Variants in MDN1 observed in about 807,000 individuals in gnomAD.
MDN1 encodes the protein midasin AAA ATPase 1.
MDN1 carries 266 observed loss-of-function variants against 669.2 expected under a neutral mutation model. That is an observed-to-expected ratio of 0.40 (90% CI 0.36 to 0.44). MDN1 has a LOEUF of 0.44. Ranked by LOEUF, MDN1 falls within the 20% of genes least tolerant of loss-of-function variation. The pLI is 1.00. For synonymous variants in MDN1, 2,385 were observed against 2,457.1 expected, an observed-to-expected ratio of 0.97 and a Z score of 0.87; for missense variants, 5,940 against 6,754.0, an observed-to-expected ratio of 0.88 and a Z score of 4.22.
Position 89,685,441 on chromosome 6 carries a change from C to T in MDN1, c.11719+386G>A, listed in dbSNP as rs530509039. ...TGTGATCAGGGATAGTACTTGACAG[C>T]GGGCAGTTTTAGATGCAGTTCCTTG... On this transcript the variant is annotated intron_variant, in intron 70 of 101. Transcript: ENST00000369393. Among the ~76,000 whole-genome samples the T allele has an allele frequency of 7.2e-5, 11 of 152,162 alleles. 1 individual carries two copies. The South Asian group carries it at 2.3e-3, about 32-fold the overall frequency.
intron 2 of MDN1, among the ~76,000 whole-genome samples, chr6:89,796,341 A>AAAAAAAAAAAAAAAAAAAAAAAC (rs1819607510): frequency 9.1e-6 from 1 of 110,220 alleles, no homozygotes; most frequent in African/African-American, 3.8e-5. Context: ...AAAAAAAAAA[A>AAAAAAAAAAAAAAAAAAAAAAAC]AAAAAAAAAC....
Position 89,645,135 on chromosome 6 carries a change from T to C in MDN1, c.16482A>G (p.Val5494=). ...GGAAAAGGCCTCGCCCATCAGAGACTACCAGGAGGAGTTGTGCAGTTTCTG... is the reference window on the plus strand; with the variant it reads ...GGAAAAGGCCTCGCCCATCAGAGACCACCAGGAGGAGTTGTGCAGTTTCTG... ...ISSETAQLLL[V]VSDGRGLFLE... The change falls in exon 101 of 102, where the codon GTA becomes GTG. Residue 5494 remains valine (V), a synonymous_variant. Coordinates refer to ENST00000369393, the MANE Select transcript of MDN1 (RefSeq NM_014611.3). The C allele has an allele frequency of 6.2e-7, 1 of 1,607,776 alleles. No individual in the cohort carries two copies. Among genetic ancestry groups the C allele is most frequent in the African/African-American group, 1.3e-5 (1 of 74,964 alleles).
rs116828624 is a variant in MDN1 at position 89,719,767 on chromosome 6, C to A, written c.5968-542G>T. ...ATAGAATTTGCCCATGGTTGGTGAC[C>A]GATTTTAAATCTAAGCCAGTCAGCC... is the stretch of plus-strand genomic sequence containing the variant. On this transcript the variant is annotated intron_variant, in intron 40 of 101. Transcript: ENST00000369393. Among the ~76,000 whole-genome samples the A allele has an allele frequency of 4.9e-3, 743 of 152,234 alleles. 9 individuals are homozygous for A. Among genetic ancestry groups the A allele is most frequent in the Middle Eastern group, 0.017 (5 of 294 alleles).
Position 89,650,190 on chromosome 6 carries a change from T to A in MDN1, c.16040A>T (p.Tyr5347Phe). 3.1e-6 allele frequency: 5 copies of A among 1,613,926 alleles called. No individual in the cohort carries two copies. The highest frequency in any genetic ancestry group is 4.2e-6 in the Non-Finnish European group (5 of 1,179,884). The change falls in exon 97 of 102, where the codon TAT (tyrosine) becomes TTT (phenylalanine). Residue 5347 changes from tyrosine (Y) to phenylalanine (F), a missense_variant. Physicochemically the swap from Tyr to Phe is conservative, Grantham distance 22 (BLOSUM62 3). Around this residue, in one of 5 missense-constraint regions of MDN1, gnomAD observed 2,280 missense variants for 2,576.3 expected, o/e 0.88. Transcript: ENST00000369393. ...PTQAAKLKGD[Y>F]RTGKRLNIRK... ...TATGTTTAGTCGTTTCCCAGTTCGATAGTCTCCTCTATTTATTCAAATGGG... is the reference window on the plus strand; with the variant it reads ...TATGTTTAGTCGTTTCCCAGTTCGAAAGTCTCCTCTATTTATTCAAATGGG...
chr6:89,767,628 T>C (rs1817864527), intron 15 of MDN1, among the ~76,000 whole-genome samples: 1 of 152,020 alleles, frequency 6.6e-6, no homozygotes, highest in Non-Finnish European at 1.5e-5. Flanking sequence ...TGGTGGTACA[T>C]GCCTGTAATC....
Position 89,712,643 on chromosome 6 carries a change from G to C in MDN1, c.7362C>G (p.Val2454=). The C allele has an allele frequency of 6.2e-7, 1 of 1,614,134 alleles. No homozygotes were observed. Among genetic ancestry groups the C allele is most frequent in the Non-Finnish European group, 8.5e-7 (1 of 1,180,004 alleles). The part of the protein sequence containing the change: ...FATEDSHLST[V]RRDGQILVYC... Reference sequence around the variant, plus strand: ...ATACTAAGATCTGTCCATCTCTTCGGACTGTAGACAGGTGTGAATCTTCAG... The same window carrying C: ...ATACTAAGATCTGTCCATCTCTTCGCACTGTAGACAGGTGTGAATCTTCAG... The change falls in exon 48 of 102, where the codon GTC becomes GTG. Residue 2454 remains valine (V), a synonymous_variant. Coordinates refer to ENST00000369393, the MANE Select transcript of MDN1 (RefSeq NM_014611.3).
chr6:89,704,059 A>T (rs555870162), intron 53 of MDN1, among the ~76,000 whole-genome samples: 3 of 152,118 alleles, frequency 2.0e-5, no homozygotes, highest in Non-Finnish European at 4.4e-5. Flanking sequence ...GCCATGATAA[A>T]ATTTCAGCTT....
Position 89,778,713 on chromosome 6 carries a change from T to C in MDN1, c.1725+1499A>G, listed in dbSNP as rs772403039. On this transcript the variant is annotated intron_variant, in intron 11 of 101. Coordinates refer to ENST00000369393, the MANE Select transcript of MDN1 (RefSeq NM_014611.3). ...TCCTGGCTAACAGGGTGAAACCCCATCTCTACTAAAAATGCAAAAAAAATT... is the reference window on the plus strand; with the variant it reads ...TCCTGGCTAACAGGGTGAAACCCCACCTCTACTAAAAATGCAAAAAAAATT... 2.0e-5 allele frequency among the ~76,000 whole-genome samples: 3 copies of C among 151,292 alleles called. No individual in the cohort carries two copies. The South Asian group carries it at 6.3e-4, about 32-fold the overall frequency.
chr6:89,764,981 G>A lies in MDN1; in HGVS notation c.2145-2451C>T, dbSNP rs1303162307. 3.9e-5 allele frequency among the ~76,000 whole-genome samples: 6 copies of A among 152,274 alleles called. 1 individual carries two copies. In the East Asian group the frequency reaches 7.7e-4, roughly 20 times the overall value. ...ATAAAAAATTATACTTTACTGGGCT[G>A]GGCGCGGTGGCTCACGCGGTGGCCC... On this transcript the variant is annotated intron_variant, in intron 15 of 101. Transcript: ENST00000369393.
intron 1 of MDN1, among the ~76,000 whole-genome samples, chr6:89,810,021 A>ATAAAT (rs1554202357): frequency 0.085 from 12,241 of 144,542 alleles, 817 homozygotes; most frequent in Non-Finnish European, 0.13. Context: ...AAAAAAAAAA[A>ATAAAT]AAAAATTAAG....
At chr6:89,732,126 A>G (rs935397099) in intron 34 of MDN1, among the ~76,000 whole-genome samples, 1 of 152,120 alleles carries the variant, frequency 6.6e-6, no homozygotes. Flanking sequence ...GTGTACTCTC[A>G]TGGCAACTGG....
chr6:89,738,186 C>G (rs1816098311), intron 33 of MDN1, 140 bp downstream of exon 33: 1 of 942,280 alleles, frequency 1.1e-6, no homozygotes, highest in Non-Finnish European at 1.5e-6. Flanking sequence ...TCCTTGTCTA[C>G]TTTGTTTCAT....
intron 81 of MDN1, 30 bp from the exon 82 acceptor site, chr6:89,672,393 C>T: frequency 6.2e-7 from 1 of 1,608,550 alleles, no homozygotes; most frequent in Non-Finnish European, 8.5e-7. Flanking sequence ...AAAATAACAA[C>T]ATGATGAATA....
rs1814319692 is a variant in MDN1 at position 89,715,704 on chromosome 6, C to G, written c.6809G>C (p.Arg2270Thr). 1 of 1,613,784 alleles carries G rather than the reference C, an allele frequency of 6.2e-7. No individual in the cohort carries two copies. The highest frequency in any genetic ancestry group is 2.2e-5 in the East Asian group (1 of 44,880). The change falls in exon 45 of 102, where the codon AGA becomes ACA. Residue 2270 changes from arginine (R) to threonine (T), a missense_variant. Arg to Thr is a moderately conservative substitution (Grantham distance 71). Around this residue, in one of 5 missense-constraint regions of MDN1, gnomAD observed 2,292 missense variants for 2,638.3 expected, o/e 0.87. Coordinates refer to ENST00000369393, the MANE Select transcript of MDN1 (RefSeq NM_014611.3). ...EPGGVLTISE[R>T]GMIDGSTPTI... is the part of the protein sequence containing the mutation. Reference sequence around the variant, plus strand: ...GGGAGTGGATCCATCTATCATTCCTCTCTCACTAATAGTGAGGACACCTCC... The same window carrying G: ...GGGAGTGGATCCATCTATCATTCCTGTCTCACTAATAGTGAGGACACCTCC...
rs775858774 is a variant in MDN1, at chr6:89,662,811, G to A, written c.14393C>T (p.Thr4798Ile). The A allele has an allele frequency of 2.3e-5, 37 of 1,613,922 alleles. No homozygotes were observed. The South Asian group carries it at 4.1e-4, about 18-fold the overall frequency. The change falls in exon 86 of 102, where the codon ACA becomes ATA. Residue 4798 changes from threonine (T) to isoleucine (I), a missense_variant. Around this residue, in one of 5 missense-constraint regions of MDN1, gnomAD observed 2,280 missense variants for 2,576.3 expected, o/e 0.88. Coordinates refer to ENST00000369393, the MANE Select transcript of MDN1 (RefSeq NM_014611.3). ...EEEEDNKTEE[T>I]GPGMDEEDSE... ...AATTACCTCATCCATTCCTGGTCCT[G>A]TTTCTTCAGTTTTATTGTCTTCTTC...
At position 89,747,815 on chromosome 6, in the gene MDN1, C is replaced by G. The variant is rs183611298; in HGVS notation, c.3763-345G>C. Among the ~76,000 whole-genome samples the G allele has an allele frequency of 8.1e-5, 12 of 148,120 alleles. No individual in the cohort carries two copies. The Admixed American group carries it at 8.2e-4, about 10-fold the overall frequency. On this transcript the variant is annotated intron_variant, in intron 26 of 101. Coordinates refer to ENST00000369393, the MANE Select transcript of MDN1 (RefSeq NM_014611.3). ...CTGAGGGAGGAGAACCGCATGAACC[C>G]GGGAGGGGGAGCTTGCAGTGAGCCG...
At chr6:89,803,273 G>A in intron 2 of MDN1, 55 bp downstream of exon 2, 4 of 1,459,946 alleles carry the variant, frequency 2.7e-6, no homozygotes, top group Middle Eastern at 1.7e-4. Flanking sequence ...CATCCCAGGA[G>A]ACAGCAGGTT....
In MDN1 at chr6:89,700,641, T is replaced by C; in HGVS notation, c.8638+5A>G. On this transcript the variant is annotated splice_donor_5th_base_variant and intron_variant, in intron 56 of 101. Transcript: ENST00000369393. ...GTCAGCTAGCCAAGTGCTAGAATAT[T>C]TTACCTAGGCTGACATCTTCCAAAA... 6.2e-7 allele frequency: 1 copy of C among 1,613,696 alleles called. No individual in the cohort carries two copies. Among genetic ancestry groups the C allele is most frequent in the Non-Finnish European group, 8.5e-7 (1 of 1,179,640 alleles).
At chr6:89,769,627 C>T (rs946864890) in intron 15 of MDN1, among the ~76,000 whole-genome samples, 23 of 152,138 alleles carry the variant, frequency 1.5e-4, no homozygotes, top group African/African-American at 5.6e-4. Flanking sequence ...ATGTAAGTAG[C>T]GTTTTCTTTT....
Sources: allele counts gnomAD v4.1 joint callset (sites outside exome capture counted in the v4.1 genomes callset), GRCh38; gene constraint gnomAD v4.1.1; regional missense constraint gnomAD v4.1.1; transcripts MANE v1.5; gene names NCBI Gene and HGNC (gene_info 2026-07-23, HGNC 2026-07-21).